INO80C: variants seen among roughly 807,000 people sequenced by gnomAD.
INO80C encodes the protein IES6 homolog.
Under a neutral mutation model 17.7 loss-of-function variants are expected in INO80C, and 17 were observed. The observed-to-expected ratio is 0.96, with a 90% CI of 0.66 to 1.44. The LOEUF is 1.44. INO80C is among the 40% of genes most tolerant of loss of function. The probability of loss-of-function intolerance (pLI) is 0.00; values close to 1 mark genes in which losing one functional copy is unlikely to be tolerated. For missense variants in INO80C, 244 were observed against 245.0 expected (o/e 1.00, Z 0.03); for synonymous variants, 96 against 95.8 (o/e 1.00, Z -0.01).
chr18:35,479,053 AT>A, intron 3 of INO80C: 1 of 349,728 alleles, frequency 2.9e-6, no homozygotes, highest in Middle Eastern at 7.8e-4. Context: ...AGAAACACCA[AT>A]ATTATCATAT....
At chr18:35,472,682 A>G (rs1260984239) in intron 4 of INO80C, among the ~76,000 whole-genome samples, 1 of 152,158 alleles carries the variant, frequency 6.6e-6, no homozygotes, top group Non-Finnish European at 1.5e-5. Flanking sequence ...ATTGTCCTCC[A>G]AAGAAGCAGT....
In INO80C at chr18:35,497,869, C is replaced by T; in HGVS notation, c.6G>A (p.Ala2=). The change falls in exon 1 of 5, where the codon GCG becomes GCA. Residue 2 remains alanine, a synonymous_variant. Coordinates refer to ENST00000334598, the MANE Select transcript of INO80C (RefSeq NM_194281.4). The part of the protein sequence containing the change: M[A]AQIPIVATTS... ...TGGTGGCCACAATTGGAATTTGCGCCGCCATCGCACTCCGAGTCTTCCCCT... is the reference window on the plus strand; with the variant it reads ...TGGTGGCCACAATTGGAATTTGCGCTGCCATCGCACTCCGAGTCTTCCCCT... 6.4e-7 allele frequency: 1 copy of T among 1,566,684 alleles called. No homozygotes were observed. The highest frequency in any genetic ancestry group is 8.7e-7 in the Non-Finnish European group (1 of 1,153,714).
intron 1 of INO80C, among the ~76,000 whole-genome samples, chr18:35,488,533 C>T (rs2045900735): frequency 6.6e-6 from 1 of 152,302 alleles, no homozygotes; most frequent in African/African-American, 2.4e-5. Context: ...CACAGGGCAC[C>T]AAGTTCCCAG....
intron 1 of INO80C, chr18:35,497,404 T>C (rs911124116): frequency 2.5e-5 from 28 of 1,113,580 alleles, no homozygotes; most frequent in Non-Finnish European, 3.0e-5. Flanking sequence ...CGCAAATTTC[T>C]GAATGACTGA....
chr18:35,481,592 T>C lies in INO80C; in HGVS notation c.157-1029A>G, dbSNP rs111482894. On this transcript the variant is annotated intron_variant, in intron 1 of 4. Coordinates refer to ENST00000334598, the MANE Select transcript of INO80C (RefSeq NM_194281.4). ...GGATTCTTTTGCTCAGCATAAAGTT[T>C]CTGAGATGTGGCCAGGCATGGTGGC... Among the ~76,000 whole-genome samples the C allele has an allele frequency of 2.0e-4, 31 of 152,342 alleles. 1 individual carries two copies. Among genetic ancestry groups the C allele is most frequent in the African/African-American group, 7.0e-4 (29 of 41,574 alleles).
At chr18:35,496,615 AT>A (rs1170469175) in intron 1 of INO80C, among the ~76,000 whole-genome samples, 2 of 152,210 alleles carry the variant, frequency 1.3e-5, no homozygotes, top group East Asian at 3.9e-4. Context: ...CTGGACTGCA[AT>A]GGCACGATCA....
intron 4 of INO80C, among the ~76,000 whole-genome samples, chr18:35,477,473 A>G (rs1776042126): frequency 6.6e-6 from 1 of 152,226 alleles, no homozygotes; most frequent in South Asian, 2.1e-4. Flanking sequence ...AATGTAAAGT[A>G]CTTAAATTAT....
In INO80C at chr18:35,497,704, A is replaced by G. The variant is rs200263588; in HGVS notation, c.156+15T>C. On this transcript the variant is annotated intron_variant, in intron 1 of 4. Coordinates refer to ENST00000334598, the MANE Select transcript of INO80C (RefSeq NM_194281.4). ...TCGCGACGCGCACGCGCAGCCTGGG[A>G]GCGCGACTGCGTACCTGCGCAAAGC... The G allele has an allele frequency of 3.1e-6, 5 of 1,608,578 alleles. No individual in the cohort carries two copies. The highest frequency in any genetic ancestry group is 2.3e-5 in the East Asian group (1 of 44,424).
At chr18:35,483,812 T>C (rs990349535) in intron 1 of INO80C, 14 of 152,236 alleles carry the variant, frequency 9.2e-5, no homozygotes, top group African/African-American at 1.9e-4. Flanking sequence ...GAGGGGAACA[T>C]AGTGGAATGG....
In INO80C at chr18:35,472,244, C is replaced by A. The variant is rs2045679637; in HGVS notation, c.448-3502G>T. 5.9e-5 allele frequency among the ~76,000 whole-genome samples: 9 copies of A among 152,310 alleles called. 1 individual carries two copies. The highest frequency in any genetic ancestry group is 5.9e-4 in the Admixed American group (9 of 15,302). The stretch of plus-strand genomic sequence containing the variant: ...ACAGTGTAAAAGTGTTCCTATTTCT[C>A]CACATCCTCTCCAGCACCTGTTGTT... On this transcript the variant is annotated intron_variant, in intron 4 of 4. Coordinates refer to ENST00000334598, the MANE Select transcript of INO80C (RefSeq NM_194281.4).
intron 4 of INO80C, among the ~76,000 whole-genome samples, chr18:35,477,798 G>A (rs1029016522): frequency 6.6e-6 from 1 of 150,746 alleles, no homozygotes; most frequent in African/African-American, 2.4e-5. Flanking sequence ...AGATCCACAT[G>A]GGACCACAGC....
intron 1 of INO80C, among the ~76,000 whole-genome samples, chr18:35,484,559 T>C (rs78856044): frequency 0.011 from 1,736 of 152,344 alleles, 31 homozygotes; most frequent in African/African-American, 0.04. Context: ...CAAACTTTTT[T>C]CCTTGTCATT....
chr18:35,491,372 A>G (rs1053109753), intron 1 of INO80C, among the ~76,000 whole-genome samples: 1 of 152,196 alleles, frequency 6.6e-6, no homozygotes, highest in African/African-American at 2.4e-5. Context: ...GACACACGGA[A>G]GCACTGGTTT....
At chr18:35,480,609 C>T (rs886178631) in intron 1 of INO80C, 46 bp from the exon 2 acceptor site, 2 of 1,384,522 alleles carry the variant, frequency 1.4e-6, no homozygotes, top group African/African-American at 1.4e-5. Flanking sequence ...TTTCTTTCAG[C>T]TGAGTTCCCC....
chr18:35,488,747 G>A (rs1462174261), intron 1 of INO80C, among the ~76,000 whole-genome samples: 1 of 152,188 alleles, frequency 6.6e-6, no homozygotes, highest in African/African-American at 2.4e-5. Flanking sequence ...CTCAGAAAAT[G>A]GGTTTTTATT....
intron 1 of INO80C, among the ~76,000 whole-genome samples, chr18:35,493,278 T>A (rs1258354335): frequency 6.6e-6 from 1 of 152,246 alleles, no homozygotes; most frequent in Non-Finnish European, 1.5e-5. Context: ...TCCTTTCACT[T>A]TAACAGTTAT....
At chr18:35,496,463 G>A (rs2045982157) in intron 1 of INO80C, among the ~76,000 whole-genome samples, 1 of 152,224 alleles carries the variant, frequency 6.6e-6, no homozygotes, top group African/African-American at 2.4e-5. Flanking sequence ...AGACAGTACT[G>A]ACAGGAAAAT....
At chr18:35,482,780 C>T (rs1195601172) in intron 1 of INO80C, among the ~76,000 whole-genome samples, 1 of 152,192 alleles carries the variant, frequency 6.6e-6, no homozygotes, top group Non-Finnish European at 1.5e-5. Context: ...CTCTCCCTTC[C>T]TCCCACAGTC....
At chr18:35,481,433 C>T (rs973464999) in intron 1 of INO80C, among the ~76,000 whole-genome samples, 3 of 152,208 alleles carry the variant, frequency 2.0e-5, no homozygotes, top group Admixed American at 6.5e-5. Context: ...CAAAAGTTTA[C>T]ACTAGTACAA....
Sources: gnomAD v4.1 joint callset for allele counts (sites outside exome capture counted in the v4.1 genomes callset) on GRCh38, gnomAD v4.1.1 for gene constraint, MANE v1.5 for transcripts, NCBI Gene and HGNC (gene_info 2026-07-23, HGNC 2026-07-21) for gene names.